The following LYPLAL1 variants were observed in gnomAD, a reference collection of about 807,000 sequenced individuals.
LYPLAL1 encodes lysophospholipase-like protein 1.
Under a neutral mutation model 19.7 loss-of-function variants are expected in LYPLAL1, and 23 were observed. The observed-to-expected ratio is 1.17, with a 90% CI of 0.84 to 1.65. The LOEUF (loss-of-function observed/expected upper bound fraction) is 1.65. LYPLAL1 is among the 40% of genes most tolerant of loss of function. The probability of loss-of-function intolerance (pLI) is 0.00; values close to 1 mark genes in which losing one functional copy is unlikely to be tolerated. For synonymous variants in LYPLAL1, 119 were observed against 96.3 expected (o/e 1.24, Z -1.38); for missense variants, 355 against 279.4 (o/e 1.27, Z -1.93).
chr1:219,358,920 A>T, the LYPLAL1 span, among the ~76,000 whole-genome samples: 1 of 152,112 alleles, frequency 6.6e-6, no homozygotes. Flanking sequence ...GAACATGCCC[A>T]CAAGATTCAG....
chr1:219,323,195 G>A, the LYPLAL1 span, among the ~76,000 whole-genome samples: 4 of 152,172 alleles, frequency 2.6e-5, no homozygotes, highest in Non-Finnish European at 5.9e-5. Flanking sequence ...CATTTCAAAA[G>A]CTGCAGGTGC....
chr1:219,351,882 G>A, the LYPLAL1 span, among the ~76,000 whole-genome samples: 1 of 152,190 alleles, frequency 6.6e-6, no homozygotes, highest in African/African-American at 2.4e-5. Context: ...TTTATAAACT[G>A]CCAGTCTGTC....
chr1:219,406,626 T>C, the LYPLAL1 span, among the ~76,000 whole-genome samples: 2 of 152,292 alleles, frequency 1.3e-5, no homozygotes, highest in South Asian at 4.1e-4. Flanking sequence ...AAGAAGGAAA[T>C]ACAATAAAAA....
the LYPLAL1 span, among the ~76,000 whole-genome samples, chr1:219,265,097 G>A: frequency 1.3e-5 from 2 of 152,118 alleles, no homozygotes; most frequent in Admixed American, 1.3e-4. Context: ...TAAATGAGGA[G>A]CATTAATGGC....
chr1:219,249,184 T>C, the LYPLAL1 span, among the ~76,000 whole-genome samples: 1 of 152,014 alleles, frequency 6.6e-6, no homozygotes, highest in Non-Finnish European at 1.5e-5. Flanking sequence ...TTCATTCCTT[T>C]TCCCTCCACT....
chr1:219,407,815 C>G, the LYPLAL1 span, among the ~76,000 whole-genome samples: 4 of 152,064 alleles, frequency 2.6e-5, no homozygotes, highest in African/African-American at 9.7e-5. Context: ...GGGAAGCCCA[C>G]CATTAAGACC....
the LYPLAL1 span, among the ~76,000 whole-genome samples, chr1:219,378,488 T>C: frequency 2.0e-5 from 3 of 152,078 alleles, no homozygotes; most frequent in African/African-American, 7.2e-5. Flanking sequence ...CAATTCAAGA[T>C]GAGATTTGGG....
chr1:219,396,553 A>G, the LYPLAL1 span, among the ~76,000 whole-genome samples: 1 of 152,164 alleles, frequency 6.6e-6, no homozygotes, highest in Non-Finnish European at 1.5e-5. Context: ...CTGTGGTCAT[A>G]GAATATTTTT....
chr1:219,379,850 A>C, the LYPLAL1 span, among the ~76,000 whole-genome samples: 2 of 152,220 alleles, frequency 1.3e-5, no homozygotes, highest in Non-Finnish European at 2.9e-5. Flanking sequence ...CTCACTGAAA[A>C]GACCTATTGT....
the LYPLAL1 span, among the ~76,000 whole-genome samples, chr1:219,350,381 G>A: frequency 7.2e-5 from 11 of 152,228 alleles, no homozygotes; most frequent in African/African-American, 2.2e-4. Flanking sequence ...CCTAATATCC[G>A]TGTAATGATG....
intron 3 of LYPLAL1, among the ~76,000 whole-genome samples, chr1:219,204,909 T>TTTATCAGAATTTTGATAATATAAGCATA (rs929782737): frequency 4.6e-5 from 7 of 152,098 alleles, no homozygotes; most frequent in African/African-American, 1.4e-4. Context: ...TATGAATAGA[T>TTTATCAGAATTTTGATAATATAAGCATA]TTATCAGAAT....
chr1:219,417,966 G>A, the LYPLAL1 span, among the ~76,000 whole-genome samples: 4 of 152,312 alleles, frequency 2.6e-5, no homozygotes, highest in African/African-American at 9.6e-5. Context: ...CTGGCTCTTG[G>A]ATATTCTTCC....
chr1:219,444,878 A>T, the LYPLAL1 span, among the ~76,000 whole-genome samples: 1 of 151,604 alleles, frequency 6.6e-6, no homozygotes, highest in African/African-American at 2.4e-5. Flanking sequence ...TACTCCCATT[A>T]TTTTTTTTTA....
At chr1:219,208,529 T>C (rs1239566050) in intron 3 of LYPLAL1, among the ~76,000 whole-genome samples, 1 of 152,092 alleles carries the variant, frequency 6.6e-6, no homozygotes, top group African/African-American at 2.4e-5. Flanking sequence ...AAATTTTTAT[T>C]GAGTTACTGC....
the LYPLAL1 span, among the ~76,000 whole-genome samples, chr1:219,414,320 G>A: frequency 3.9e-5 from 6 of 152,244 alleles, 2 homozygotes; most frequent in South Asian, 1.2e-3. Context: ...ACTGCTTGGT[G>A]ACATTAGGGA....
At chr1:219,201,905 T>C (rs1192453320) in intron 3 of LYPLAL1, among the ~76,000 whole-genome samples, 1 of 152,216 alleles carries the variant, frequency 6.6e-6, no homozygotes, top group Non-Finnish European at 1.5e-5. Context: ...GAGCAAATAA[T>C]ATTCAAGTCT....
At chr1:219,289,303 G>A in the LYPLAL1 span, among the ~76,000 whole-genome samples, 4 of 152,202 alleles carry the variant, frequency 2.6e-5, no homozygotes, top group East Asian at 7.7e-4. Context: ...GGAAGCCCGT[G>A]AGAGCTGTAG....
chr1:219,199,618 T>TTC (rs1657915553), intron 3 of LYPLAL1, among the ~76,000 whole-genome samples: 1 of 145,630 alleles, frequency 6.9e-6, no homozygotes, highest in South Asian at 2.2e-4. Context: ...AATTTTTTTT[T>TTC]TTCTTTTTTT....
the LYPLAL1 span, among the ~76,000 whole-genome samples, chr1:219,440,079 AACAC>A: frequency 1.4e-5 from 2 of 147,152 alleles, no homozygotes; most frequent in Non-Finnish European, 1.5e-5. Flanking sequence ...AAGAAATTCA[AACAC>A]ACACACACAC....
Sources: gnomAD v4.1 joint callset for allele counts (sites outside exome capture counted in the v4.1 genomes callset) on GRCh38, gnomAD v4.1.1 for gene constraint, MANE v1.5 for transcripts, NCBI Gene and HGNC (gene_info 2026-07-23, HGNC 2026-07-21) for gene names.